Variants in OSBPL11 observed in about 807,000 individuals in gnomAD.
OSBPL11 encodes oxysterol binding protein like 11.
OSBPL11 carries 33 observed loss-of-function variants against 84.4 expected under a neutral mutation model. That is an observed-to-expected ratio of 0.39 (90% CI 0.30 to 0.52). The LOEUF (loss-of-function observed/expected upper bound fraction) is 0.52, where lower values mean the gene tolerates loss of function less well. Among genes scored for constraint, OSBPL11 ranks in the 20% least tolerant of loss-of-function variants. The pLI is 0.72. For missense variants in OSBPL11, 736 were observed against 901.1 expected (o/e 0.82, Z 2.35); for synonymous variants, 276 against 310.2 (o/e 0.89, Z 1.16).
At chr3:125,587,037 A>AT (rs879730898) in intron 1 of OSBPL11, among the ~76,000 whole-genome samples, 6 of 152,234 alleles carry the variant, frequency 3.9e-5, no homozygotes, top group Admixed American at 2.0e-4. Flanking sequence ...TAAGAGAAAT[A>AT]TATCTCCTTG....
intron 1 of OSBPL11, among the ~76,000 whole-genome samples, chr3:125,584,558 G>A (rs1580064296): frequency 6.6e-6 from 1 of 151,924 alleles, no homozygotes; most frequent in Non-Finnish European, 1.5e-5. Context: ...CTTTAATCTA[G>A]GTTCTCTACA....
chr3:125,581,411 C>T (rs1184219524), intron 2 of OSBPL11, among the ~76,000 whole-genome samples: 2 of 150,784 alleles, frequency 1.3e-5, no homozygotes, highest in Non-Finnish European at 3.0e-5. Flanking sequence ...AAAAGGAACG[C>T]TAGGCCAGAC....
At chr3:125,554,747 A>G (rs1021284698) in intron 8 of OSBPL11, among the ~76,000 whole-genome samples, 2 of 152,154 alleles carry the variant, frequency 1.3e-5, no homozygotes, top group African/African-American at 4.8e-5. Flanking sequence ...ACAATAATTA[A>G]AAGTCAAAAG....
At chr3:125,570,684 AG>A (rs1237181173) in intron 5 of OSBPL11, among the ~76,000 whole-genome samples, 2 of 152,056 alleles carry the variant, frequency 1.3e-5, no homozygotes, top group Admixed American at 1.3e-4. Context: ...TATAAAGAGG[AG>A]CTCCCCTGCA....
At chr3:125,562,978 T>C (rs1381132865) in intron 7 of OSBPL11, among the ~76,000 whole-genome samples, 3 of 150,138 alleles carry the variant, frequency 2.0e-5, no homozygotes, top group Non-Finnish European at 4.5e-5. Flanking sequence ...TTATTTATAA[T>C]TAAAAAAAAA....
chr3:125,570,934 T>A (rs1936234169), intron 5 of OSBPL11, among the ~76,000 whole-genome samples: 1 of 152,188 alleles, frequency 6.6e-6, no homozygotes, highest in Non-Finnish European at 1.5e-5. Flanking sequence ...AATGTGGAAG[T>A]GACTTTGGAA....
rs539372807 is a variant in OSBPL11 at position 125,593,555 on chromosome 3, G to C, written c.164+1082C>G. 2.6e-5 allele frequency among the ~76,000 whole-genome samples: 4 copies of C among 151,942 alleles called. No individual in the cohort carries two copies. In the South Asian group the frequency reaches 8.3e-4, roughly 32 times the overall value. On this transcript the variant is annotated intron_variant, in intron 1 of 12. Transcript: ENST00000296220. ...GAATCGCTTGAACCCAGGAGGTGGA[G>C]GTGGTAGTGAGCCGAGATCGCGCCA... is the stretch of plus-strand genomic sequence containing the variant.
chr3:125,546,942 A>G (rs34341961), intron 10 of OSBPL11, among the ~76,000 whole-genome samples: 10,431 of 152,210 alleles, frequency 0.069, 474 homozygotes, highest in Non-Finnish European at 0.098. Context: ...AATAAGAAGT[A>G]CTGGATCTAG....
intron 5 of OSBPL11, among the ~76,000 whole-genome samples, chr3:125,570,753 A>T (rs1936231907): frequency 6.6e-6 from 1 of 152,086 alleles, no homozygotes; most frequent in Non-Finnish European, 1.5e-5. Context: ...CTCCTCCTTG[A>T]CTTCCGCCAT....
rs73862115 is a variant in OSBPL11, at chr3:125,533,697, A to G, written c.2025-1683T>C. 9.9e-3 allele frequency among the ~76,000 whole-genome samples: 1,511 copies of G among 152,362 alleles called. 28 individuals carry two copies. Among genetic ancestry groups the G allele is most frequent in the African/African-American group, 0.034 (1,418 of 41,586 alleles). ...ACCAAAGACATTAAAACAAAAACAG[A>G]AACATCAAGACATAACAATCCTAAA... On this transcript the variant is annotated intron_variant, in intron 11 of 12. Transcript: ENST00000296220.
intron 8 of OSBPL11, among the ~76,000 whole-genome samples, chr3:125,555,936 G>A (rs1935985193): frequency 6.6e-6 from 1 of 152,126 alleles, no homozygotes; most frequent in African/African-American, 2.4e-5. Flanking sequence ...GCCTGCTTTG[G>A]CCTCCCAAAG....
chr3:125,585,514 A>G (rs1189752591), intron 1 of OSBPL11, among the ~76,000 whole-genome samples: 1 of 145,342 alleles, frequency 6.9e-6, no homozygotes, highest in East Asian at 2.0e-4. Context: ...GCTGATTCAT[A>G]TATCTAAAGA....
At chr3:125,584,943 T>C (rs1045664031) in intron 1 of OSBPL11, among the ~76,000 whole-genome samples, 1 of 152,122 alleles carries the variant, frequency 6.6e-6, no homozygotes, top group Admixed American at 6.6e-5. Context: ...GCCCAGTTAA[T>C]TTTTAATTAT....
chr3:125,584,130 C>T (rs532087194), intron 1 of OSBPL11, among the ~76,000 whole-genome samples: 23 of 152,148 alleles, frequency 1.5e-4, no homozygotes, highest in African/African-American at 3.6e-4. Context: ...TTTTGGAGGC[C>T]GGGGCAGGTG....
intron 1 of OSBPL11, among the ~76,000 whole-genome samples, chr3:125,593,358 G>A (rs1311936982): frequency 6.6e-6 from 1 of 152,158 alleles, no homozygotes; most frequent in African/African-American, 2.4e-5. Flanking sequence ...GGTGGCTCAA[G>A]CCTGTAATCC....
intron 11 of OSBPL11, among the ~76,000 whole-genome samples, chr3:125,538,109 C>A (rs1424246588): frequency 6.6e-6 from 1 of 152,180 alleles, no homozygotes; most frequent in Non-Finnish European, 1.5e-5. Context: ...CTCTTTACAT[C>A]CTTTGCCCAG....
chr3:125,556,982 CTG>C (rs1334358950), intron 8 of OSBPL11, among the ~76,000 whole-genome samples: 3 of 152,064 alleles, frequency 2.0e-5, no homozygotes, highest in African/African-American at 4.8e-5. Context: ...ATTCAGTCTT[CTG>C]TGTGTTTAAC....
chr3:125,593,722 C>A (rs548317370), intron 1 of OSBPL11, among the ~76,000 whole-genome samples: 3 of 152,044 alleles, frequency 2.0e-5, no homozygotes, highest in East Asian at 3.9e-4. Flanking sequence ...AAATGTATAT[C>A]CCTCACAAAA....
At chr3:125,538,420 T>G in intron 11 of OSBPL11, 31 bp downstream of exon 11, 1 of 1,595,224 alleles carries the variant, frequency 6.3e-7, no homozygotes, top group Non-Finnish European at 8.5e-7. Context: ...AGCATCTGAC[T>G]CTTTCCTGGA....
Sources: allele counts gnomAD v4.1 joint callset (sites outside exome capture counted in the v4.1 genomes callset), GRCh38; gene constraint gnomAD v4.1.1; transcripts MANE v1.5; gene names NCBI Gene and HGNC (gene_info 2026-07-23, HGNC 2026-07-21).